RARS1: variants seen among roughly 807,000 people sequenced by gnomAD.
The protein encoded by RARS1 is arginyl-tRNA synthetase 1.
A neutral mutation model predicts 78.7 loss-of-function variants in RARS1; 75 were observed. The observed-to-expected ratio is 0.95, with a 90% CI of 0.79 to 1.15. The LOEUF (loss-of-function observed/expected upper bound fraction) is 1.15. Among genes scored for constraint, RARS1 ranks in the 50% most tolerant of loss-of-function variants. The pLI, the probability that RARS1 is intolerant of heterozygous loss-of-function variation, is 0.00. For missense variants in RARS1, 787 were observed against 787.5 expected (o/e 1.00, Z 0.01); for synonymous variants, 273 against 268.2 (o/e 1.02, Z -0.18).
At position 168,496,361 on chromosome 5, in the gene RARS1, A is replaced by G. The variant is rs78238764; in HGVS notation, c.702-867A>G. ...GCCACTGCACTCCAGCCTGGGCAAC[A>G]GAGCAAGACTCTCTGTCAAAAAAAA... On this transcript the variant is annotated intron_variant, in intron 6 of 14. Coordinates refer to ENST00000231572, the MANE Select transcript of RARS1 (RefSeq NM_002887.4). 4.8e-3 allele frequency among the ~76,000 whole-genome samples: 682 copies of G among 141,584 alleles called. 21 individuals carry two copies. The East Asian group carries it at 0.1, about 22-fold the overall frequency. The allele number at this position is 141,584 out of a possible 152,430, so 92.9% of individuals were successfully genotyped here.
chr5:168,496,501 G>A (rs1241329408), intron 6 of RARS1, among the ~76,000 whole-genome samples: 1 of 151,210 alleles, frequency 6.6e-6, no homozygotes, highest in Admixed American at 6.6e-5. Context: ...TTTTTTTTTG[G>A]AGACAGAGTC....
At position 168,486,546 on chromosome 5, in the gene RARS1, T is replaced by C; in HGVS notation, c.45+3T>C. On this transcript the variant is annotated splice_donor_region_variant and intron_variant, in intron 1 of 14. Transcript: ENST00000231572. ...GCTCCGCGCGGCTGCTGCAGCAGGTTTGGACGCAGGAGACCGGCGGGAAGG... is the reference window on the plus strand; with the variant it reads ...GCTCCGCGCGGCTGCTGCAGCAGGTCTGGACGCAGGAGACCGGCGGGAAGG... 3 of 1,556,620 alleles carry C rather than the reference T, an allele frequency of 1.9e-6. No homozygotes were observed. The highest frequency in any genetic ancestry group is 1.4e-5 in the African/African-American group (1 of 73,818).
At chr5:168,502,384 A>ATATATATATATATATATTTTTTTTTTTTT (rs1280220276) in intron 9 of RARS1, among the ~76,000 whole-genome samples, 1 of 127,248 alleles carries the variant, frequency 7.9e-6, no homozygotes, top group African/African-American at 3.2e-5. Context: ...ATATATATAT[A>ATATATATATATATATATTTTTTTTTTTTT]TTTTTTTTTT....
chr5:168,506,855 G>A, intron 11 of RARS1, 24 bp downstream of exon 11: 1 of 1,529,712 alleles, frequency 6.5e-7, no homozygotes, highest in Non-Finnish European at 9.0e-7. Flanking sequence ...ATCTGAAGAT[G>A]GTAATGATAT....
intron 12 of RARS1, among the ~76,000 whole-genome samples, chr5:168,512,419 G>A (rs192512712): frequency 4.6e-4 from 70 of 152,228 alleles, no homozygotes; most frequent in Middle Eastern, 3.4e-3. Flanking sequence ...AGTGGTGACC[G>A]TTGTATACTC....
intron 9 of RARS1, among the ~76,000 whole-genome samples, chr5:168,502,385 T>TATA (rs34121907): frequency 0.03 from 2,812 of 92,996 alleles, 50 homozygotes; most frequent in East Asian, 0.14. Flanking sequence ...TATATATATA[T>TATA]TTTTTTTTTT....
Position 168,514,585 on chromosome 5 carries a change from A to G in RARS1, c.1453-2193A>G, listed in dbSNP as rs561158688. Among the ~76,000 whole-genome samples, 6 of 152,364 alleles carry G rather than the reference A, an allele frequency of 3.9e-5. No individual in the cohort carries two copies. The East Asian group carries it at 7.7e-4, about 20-fold the overall frequency. ...GTTTTAGACATAAAAAAGTTGCAAG[A>G]TAGTACAAAGAATTTTGTATCTTTC... On this transcript the variant is annotated intron_variant, in intron 12 of 14. Transcript: ENST00000231572.
At chr5:168,511,607 T>A (rs1229904346) in intron 12 of RARS1, among the ~76,000 whole-genome samples, 2 of 152,180 alleles carry the variant, frequency 1.3e-5, no homozygotes, top group African/African-American at 4.8e-5. Flanking sequence ...TTAGTCTGCC[T>A]GATGACAAAA....
rs1199339833 is a variant in RARS1, at chr5:168,502,078, G to C, written c.1030G>C (p.Asp344His). The C allele has an allele frequency of 1.2e-6, 2 of 1,602,804 alleles. No individual in the cohort carries two copies. The highest frequency in any genetic ancestry group is 1.7e-6 in the Non-Finnish European group (2 of 1,174,864). Residue 344 changes from aspartate to histidine, a missense_variant, in exon 9 of 15, where the codon GAT becomes CAT. By Grantham distance (81) the Asp-to-His change is moderately conservative. Coordinates refer to ENST00000231572, the MANE Select transcript of RARS1 (RefSeq NM_002887.4). ...GESFYQDRMN[D>H]IVKEFEDRGF... ...ATCCTTCTATCAAGATAGGATGAAT[G>C]ATATTGTAAAGGAATTTGAAGATAG...
rs118180032 is a variant in RARS1, at chr5:168,500,511, A to C, written c.823-80A>C. 3.3e-3 allele frequency: 4,270 copies of C among 1,293,678 alleles called. 144 individuals carry two copies. In the East Asian group the frequency reaches 0.08, roughly 24 times the overall value. 80.1% of individuals were successfully genotyped at this position (1,293,678 alleles called of 1,614,324 possible). On this transcript the variant is annotated intron_variant, in intron 7 of 14. Transcript: ENST00000231572. ...TTTCTCACTGTGTTTGTGTGTGTAG[A>C]AATGTGTAAGTTCTTTTTCTAGAAA...
intron 12 of RARS1, among the ~76,000 whole-genome samples, chr5:168,512,461 C>G (rs1758582565): frequency 6.6e-6 from 1 of 152,066 alleles, no homozygotes. Flanking sequence ...TTCATTGCAC[C>G]ATATGTTTAC....
In RARS1 at chr5:168,501,710, G is replaced by A. The variant is rs560403543; in HGVS notation, c.953-291G>A. Among the ~76,000 whole-genome samples the A allele has an allele frequency of 8.6e-5, 13 of 151,418 alleles. No individual in the cohort carries two copies. In the South Asian group the frequency reaches 2.1e-3, roughly 25 times the overall value. On this transcript the variant is annotated intron_variant, in intron 8 of 14. Coordinates refer to ENST00000231572, the MANE Select transcript of RARS1 (RefSeq NM_002887.4). ...TGTACTCCAGCCTGGCTGACAGAGC[G>A]AGACTCCATCTCAAAAAATAATAAT...
chr5:168,497,533 G>A (rs1264462355), intron 7 of RARS1, among the ~76,000 whole-genome samples, 185 bp downstream of exon 7: 1 of 148,842 alleles, frequency 6.7e-6, no homozygotes, highest in South Asian at 2.1e-4. Flanking sequence ...TTTTTTTTTT[G>A]TAATTTATAA....
At chr5:168,505,986 T>G in intron 9 of RARS1, 35 bp from the exon 10 acceptor site, 1 of 1,547,938 alleles carries the variant, frequency 6.5e-7, no homozygotes, top group Non-Finnish European at 8.7e-7. Flanking sequence ...CAGGGTTCTT[T>G]TAACTTTATT....
chr5:168,491,635 A>G (rs1758086521), intron 2 of RARS1, among the ~76,000 whole-genome samples: 2 of 152,202 alleles, frequency 1.3e-5, no homozygotes, highest in Non-Finnish European at 2.9e-5. Flanking sequence ...TTTTCCACTT[A>G]TTCTGTCTTG....
intron 9 of RARS1, among the ~76,000 whole-genome samples, chr5:168,502,708 A>G (rs1758357430): frequency 6.6e-6 from 1 of 151,604 alleles, no homozygotes; most frequent in Admixed American, 6.6e-5. Context: ...CGTAGCAGGA[A>G]TTACACACAT....
intron 13 of RARS1, 128 bp from the exon 14 acceptor site, chr5:168,517,687 T>C: frequency 4.6e-6 from 6 of 1,295,864 alleles, no homozygotes; most frequent in Non-Finnish European, 6.2e-6. Flanking sequence ...TAATAGTATA[T>C]CGTATAATAA....
At chr5:168,491,047 G>A (rs1482936667) in intron 2 of RARS1, among the ~76,000 whole-genome samples, 2 of 152,218 alleles carry the variant, frequency 1.3e-5, no homozygotes, top group African/African-American at 4.8e-5. Context: ...TGAGGCATGA[G>A]AATCACTTAA....
At chr5:168,494,695 C>T (rs753206904) in intron 5 of RARS1, 45 bp downstream of exon 5, 19 of 1,329,914 alleles carry the variant, frequency 1.4e-5, no homozygotes, top group South Asian at 9.5e-5. Context: ...CTTAGAACTG[C>T]GTGGAACCAA....
Sources: gnomAD v4.1 joint callset for allele counts (sites outside exome capture counted in the v4.1 genomes callset) on GRCh38, gnomAD v4.1.1 for gene constraint, MANE v1.5 for transcripts, NCBI Gene and HGNC (gene_info 2026-07-23, HGNC 2026-07-21) for gene names.